Variants in TBR1 observed in about 807,000 individuals in gnomAD.
TBR1 encodes the protein T-box brain protein 1.
A neutral mutation model predicts 60.3 loss-of-function variants in TBR1; 7 were observed. The observed-to-expected ratio is 0.12, with a 90% CI of 0.07 to 0.22. The LOEUF (loss-of-function observed/expected upper bound fraction) is 0.22, where lower values mean the gene tolerates loss of function less well. Ranked by LOEUF, TBR1 falls within the 10% of genes least tolerant of loss-of-function variation. The pLI is 1.00. For synonymous variants in TBR1, 417 were observed against 409.9 expected (o/e 1.02, Z -0.21); for missense variants, 616 against 936.8 (o/e 0.66, Z 4.47).
Position 161,424,095 on chromosome 2 carries a change from G to A in TBR1, c.1917G>A (p.Arg639=), listed in dbSNP as rs1684281783. The A allele has an allele frequency of 6.2e-7, 1 of 1,611,892 alleles. No homozygotes were observed. Among genetic ancestry groups the A allele is most frequent in the Non-Finnish European group, 8.5e-7 (1 of 1,179,380 alleles). Residue 639 remains arginine, a synonymous_variant, in exon 6 of 6, where the codon CGG becomes CGA. Transcript: ENST00000389554. The surrounding 1 kb of genome is among the most constrained non-coding windows in gnomAD (Gnocchi z 4.4). ...TTTACGAGCAGGCCAAGCGGAGGCG[G>A]ATCTCGCCGGCCGACACGCCCGTGT... The part of the protein sequence containing the change: ...SGIYEQAKRR[R]ISPADTPVSE...
rs758023111 is a variant in TBR1 at position 161,418,289 on chromosome 2, G to A, written c.936G>A (p.Thr312=). The A allele has an allele frequency of 6.2e-7, 1 of 1,613,924 alleles. No homozygotes were observed. The highest frequency in any genetic ancestry group is 8.5e-7 in the Non-Finnish European group (1 of 1,180,012). ...QEISFGKLKL[T]NNKGASNNNG... ...TCTCTTTTGGAAAATTAAAACTTAC[G>A]AACAACAAAGGAGCTTCAAATAACA... is the stretch of plus-strand genomic sequence containing the variant. The change falls in exon 3 of 6, where the codon ACG becomes ACA. Residue 312 remains threonine (T), a synonymous_variant. Coordinates refer to ENST00000389554, the MANE Select transcript of TBR1 (RefSeq NM_006593.4).
chr2:161,418,603 A>T lies in TBR1; in HGVS notation c.969+281A>T, dbSNP rs1383339619. 3 of 542,082 alleles carry T rather than the reference A, an allele frequency of 5.5e-6. No homozygotes were observed. In the East Asian group the frequency reaches 1.0e-4, roughly 19 times the overall value. 33.6% of individuals were successfully genotyped at this position (542,082 alleles called of 1,614,324 possible). A position where few individuals can be genotyped will look rare whatever the true frequency, so the allele number is the denominator to read the frequency against. ...CCCCACAAGATCTGCAGGTTGTGGA[A>T]ATCTTTGTTCCTCCTTACAGGAGGA... On this transcript the variant is annotated intron_variant, in intron 3 of 5. Coordinates refer to ENST00000389554, the MANE Select transcript of TBR1 (RefSeq NM_006593.4).
chr2:161,418,856 C>T (rs1392188716), intron 3 of TBR1, 36 bp from the exon 4 acceptor site: 1 of 1,595,466 alleles, frequency 6.3e-7, no homozygotes, highest in Admixed American at 1.7e-5. Context: ...CGCGTTAACA[C>T]GCCACCCGGC....
At position 161,422,110 on chromosome 2, in the gene TBR1, T is replaced by C. The variant is rs1684241671; in HGVS notation, c.1191-1259T>C. The C allele has an allele frequency of 2.0e-5, 3 of 152,240 alleles. 1 individual carries two copies. Among genetic ancestry groups the C allele is most frequent in the South Asian group, 4.1e-4 (2 of 4,828 alleles). 9.4% of individuals were successfully genotyped at this position (152,240 alleles called of 1,614,324 possible). A position where few individuals can be genotyped will look rare whatever the true frequency, so the allele number is the denominator to read the frequency against. On this transcript the variant is annotated intron_variant, in intron 5 of 5. Coordinates refer to ENST00000389554, the MANE Select transcript of TBR1 (RefSeq NM_006593.4). ...GGTTCATGGGGTACTAGGAGCTTGC[T>C]TGGCCACTCACCAGGGAATCTCCTC...
chr2:161,420,093 T>C, intron 4 of TBR1, 103 bp from the exon 5 acceptor site: 1 of 830,458 alleles, frequency 1.2e-6, no homozygotes, highest in Non-Finnish European at 1.8e-6. Context: ...ATTTAATAAA[T>C]TGTAGGCCTT....
intron 3 of TBR1, 112 bp from the exon 4 acceptor site, chr2:161,418,780 G>T: frequency 7.1e-7 from 1 of 1,409,772 alleles, no homozygotes; most frequent in South Asian, 1.4e-5. Flanking sequence ...CCTGGAAGGC[G>T]GGCTGCAGGC....
At chr2:161,421,500 G>C (rs946556433) in intron 5 of TBR1, 7 of 152,252 alleles carry the variant, frequency 4.6e-5, no homozygotes, top group African/African-American at 1.4e-4. Context: ...ACAGTGGAAA[G>C]TATATGGCTC....
chr2:161,418,847 G>C (rs778689807), intron 3 of TBR1, 45 bp from the exon 4 acceptor site: 1 of 1,588,936 alleles, frequency 6.3e-7, no homozygotes, highest in African/African-American at 1.4e-5. Context: ...CACAGCGACC[G>C]CGTTAACACG....
chr2:161,419,152 A>G (rs796821540), intron 4 of TBR1, 102 bp downstream of exon 4: 1 of 1,539,646 alleles, frequency 6.5e-7, no homozygotes. Flanking sequence ...AGCAGCGCTA[A>G]CATCAGCAAC....
chr2:161,418,501 T>C, intron 3 of TBR1, 179 bp downstream of exon 3: 1 of 979,326 alleles, frequency 1.0e-6, no homozygotes, highest in South Asian at 1.9e-5. Flanking sequence ...TTGTTCTCAT[T>C]GGCAACACCT....
In TBR1 at chr2:161,423,801, C is replaced by G; in HGVS notation, c.1623C>G (p.Asp541Glu). 6.8e-7 allele frequency: 1 copy of G among 1,477,672 alleles called. No individual in the cohort carries two copies. The highest frequency in any genetic ancestry group is 2.9e-5 in the East Asian group (1 of 34,936). 91.5% of individuals were successfully genotyped at this position (1,477,672 alleles called of 1,614,324 possible). ...GCCGCCCGCTCGGCTACTACGCCGA[C>G]CCGTCGGGCTGGGGCGCCCGCAGTC... Reference protein sequence around the residue: ...CTGRPLGYYADPSGWGARSPP... With the variant: ...CTGRPLGYYAEPSGWGARSPP... Residue 541 changes from aspartate to glutamate, a missense_variant, in exon 6 of 6, where the codon GAC becomes GAG. Physicochemically the swap from Asp to Glu is conservative, Grantham distance 45. This residue lies in a region of TBR1 where 210 missense variants were observed against 297.4 expected (regional missense o/e 0.71). Coordinates refer to ENST00000389554, the MANE Select transcript of TBR1 (RefSeq NM_006593.4).
chr2:161,423,916 C>T lies in TBR1; in HGVS notation c.1738C>T (p.Pro580Ser). 1 of 1,499,578 alleles carries T rather than the reference C, an allele frequency of 6.7e-7. No individual in the cohort carries two copies. The allele number at this position is 1,499,578 out of a possible 1,614,324, so 92.9% of individuals were successfully genotyped here. ...CGCCGCGCGCATGGCCGGCGCCAATCCCTACCTGGGCGAGGAGGCCGAGGG... is the reference window on the plus strand; with the variant it reads ...CGCCGCGCGCATGGCCGGCGCCAATTCCTACCTGGGCGAGGAGGCCGAGGG... ...AAAARMAGANPYLGEEAEGLA... is the reference protein window; with the variant it reads ...AAAARMAGANSYLGEEAEGLA... Residue 580 changes from proline (P) to serine (S), a missense_variant, in exon 6 of 6, where the codon CCC (proline) becomes TCC (serine). Pro to Ser is a moderately conservative substitution (Grantham distance 74). Transcript: ENST00000389554.
chr2:161,419,041 G>A lies in TBR1; in HGVS notation c.1119G>A (p.Gln373=), dbSNP rs1684182389. The part of the protein sequence containing the change: ...ETQFIAVTAY[Q]NTDITQLKID... Reference sequence around the variant, plus strand: ...AGTTCATCGCCGTCACCGCCTACCAGAACACGGATGTAAGGAGACCTAGGG... The same window carrying A: ...AGTTCATCGCCGTCACCGCCTACCAAAACACGGATGTAAGGAGACCTAGGG... The change falls in exon 4 of 6, where the codon CAG becomes CAA. Residue 373 remains glutamine (Q), a synonymous_variant. Transcript: ENST00000389554. 1 of 1,614,184 alleles carries A rather than the reference G, an allele frequency of 6.2e-7. No homozygotes were observed. The highest frequency in any genetic ancestry group is 8.5e-7 in the Non-Finnish European group (1 of 1,180,028).
Position 161,423,972 on chromosome 2 carries a change from C to G in TBR1, c.1794C>G (p.Pro598=). The G allele has an allele frequency of 1.3e-6, 2 of 1,549,842 alleles. No individual in the cohort carries two copies. The highest frequency in any genetic ancestry group is 1.7e-6 in the Non-Finnish European group (2 of 1,146,622). The change falls in exon 6 of 6, where the codon CCC becomes CCG. Residue 598 remains proline, a synonymous_variant. Coordinates refer to ENST00000389554, the MANE Select transcript of TBR1 (RefSeq NM_006593.4). ...CCGCCGAGCGCTCGCCGCTGCCGCCCGGCGCCGCCGAGGACGCCAAGCCCA... is the reference window on the plus strand; with the variant it reads ...CCGCCGAGCGCTCGCCGCTGCCGCCGGGCGCCGCCGAGGACGCCAAGCCCA... ...GLAAERSPLP[P]GAAEDAKPKD...
At position 161,418,849 on chromosome 2, in the gene TBR1, G is replaced by C. The variant is rs202190165; in HGVS notation, c.970-43G>C. ...ACACAGCCACGCGCACAGCGACCGC[G>C]TTAACACGCCACCCGGCGCTCCCCT... On this transcript the variant is annotated intron_variant, in intron 3 of 5. Transcript: ENST00000389554. The C allele has an allele frequency of 1.2e-3, 1,858 of 1,593,744 alleles. 25 individuals are homozygous for C. Among genetic ancestry groups the C allele is most frequent in the Non-Finnish European group, 2.6e-4 (300 of 1,167,828 alleles).
intron 4 of TBR1, 70 bp downstream of exon 4, chr2:161,419,120 C>G (rs1368293980): frequency 1.9e-6 from 3 of 1,605,318 alleles, no homozygotes; most frequent in South Asian, 1.1e-5. Flanking sequence ...CACATTCTCC[C>G]GCCATGCAAG....
Position 161,424,319 on chromosome 2 carries a change from T to G in TBR1, c.*92T>G. 7.5e-7 allele frequency: 1 copy of G among 1,336,976 alleles called. No homozygotes were observed. The highest frequency in any genetic ancestry group is 1.0e-6 in the Non-Finnish European group (1 of 989,058). 82.8% of individuals were successfully genotyped at this position (1,336,976 alleles called of 1,614,324 possible). ...AGCTCCGCCTCCCCACACTCCTCCTTGCGCACCCACTCATTTTATTTGACC... is the reference window on the plus strand; with the variant it reads ...AGCTCCGCCTCCCCACACTCCTCCTGGCGCACCCACTCATTTTATTTGACC... On this transcript the variant is annotated 3_prime_UTR_variant, in exon 6 of 6. Coordinates refer to ENST00000389554, the MANE Select transcript of TBR1 (RefSeq NM_006593.4). This position sits in a 1 kb window ranked among gnomAD's most constrained non-coding sequence, Gnocchi z 4.4.
chr2:161,418,747 A>G, intron 3 of TBR1, 145 bp from the exon 4 acceptor site: 1 of 1,135,650 alleles, frequency 8.8e-7, no homozygotes, highest in Non-Finnish European at 1.2e-6. Context: ...GCCGCCAGCC[A>G]GGCGAGTCCC....
At position 161,424,455 on chromosome 2, in the gene TBR1, T is replaced by C; in HGVS notation, c.*228T>C. Reference sequence around the variant, plus strand: ...CCGACCTTCAACTTTGCTGTAAACCTTTTGGTTTTCCTACTTACTCTTCTT... The same window carrying C: ...CCGACCTTCAACTTTGCTGTAAACCCTTTGGTTTTCCTACTTACTCTTCTT... On this transcript the variant is annotated 3_prime_UTR_variant, in exon 6 of 6. Transcript: ENST00000389554. The surrounding 1 kb of genome is among the most constrained non-coding windows in gnomAD (Gnocchi z 4.4). 1.9e-6 allele frequency: 1 copy of C among 534,336 alleles called. No individual in the cohort carries two copies. The highest frequency in any genetic ancestry group is 3.3e-6 in the Non-Finnish European group (1 of 304,672). 33.1% of individuals were successfully genotyped at this position (534,336 alleles called of 1,614,324 possible). A position where few individuals can be genotyped will look rare whatever the true frequency, so the allele number is the denominator to read the frequency against.
Sources: allele counts gnomAD v4.1 joint callset, GRCh38; gene constraint gnomAD v4.1.1; regional missense constraint gnomAD v4.1.1; non-coding constraint Gnocchi (gnomAD v3.1); transcripts MANE v1.5; gene names NCBI Gene and HGNC (gene_info 2026-07-23, HGNC 2026-07-21).